BMAL2: variants seen among roughly 807,000 people sequenced by gnomAD.
BMAL2 encodes the protein basic helix-loop-helix ARNT like 2, also known as basic helix-loop-helix ARNT-like protein 2.
At chr12:27,362,124 G>T in the BMAL2 span, among the ~76,000 whole-genome samples, 1 of 152,122 alleles carries the variant, frequency 6.6e-6, no homozygotes, top group Non-Finnish European at 1.5e-5. Flanking sequence ...AATGGTTGAG[G>T]GTCTGGTATT....
the BMAL2 span, among the ~76,000 whole-genome samples, chr12:27,412,631 A>G: frequency 8.4e-4 from 128 of 152,228 alleles, no homozygotes; most frequent in African/African-American, 1.7e-3. Flanking sequence ...AAGAAAACCA[A>G]TGTACACATG....
chr12:27,402,624 A>G, the BMAL2 span: 20 of 1,612,170 alleles, frequency 1.2e-5, no homozygotes, highest in Non-Finnish European at 1.7e-5. Context: ...TCTAGGGGAC[A>G]TAGTGAGCCT....
At chr12:27,373,361 C>T in the BMAL2 span, among the ~76,000 whole-genome samples, 5 of 152,156 alleles carry the variant, frequency 3.3e-5, no homozygotes, top group African/African-American at 1.2e-4. Context: ...CAGTTCTGGA[C>T]ACACTAAGAA....
the BMAL2 span, among the ~76,000 whole-genome samples, chr12:27,393,946 C>T: frequency 6.6e-6 from 1 of 152,152 alleles, no homozygotes; most frequent in Non-Finnish European, 1.5e-5. Flanking sequence ...TTTTTTGGTG[C>T]TATTCACTTT....
At chr12:27,400,868 T>C in the BMAL2 span, 1 of 1,120,360 alleles carries the variant, frequency 8.9e-7, no homozygotes, top group Non-Finnish European at 1.2e-6. Context: ...TTTCTTTTTC[T>C]TTTTTCTGTT....
At chr12:27,360,307 G>C in the BMAL2 span, among the ~76,000 whole-genome samples, 1 of 152,250 alleles carries the variant, frequency 6.6e-6, no homozygotes, top group South Asian at 2.1e-4. Context: ...ACAAAGGACA[G>C]GTGGCAGGTG....
At chr12:27,391,961 C>A in the BMAL2 span, among the ~76,000 whole-genome samples, 1 of 152,156 alleles carries the variant, frequency 6.6e-6, no homozygotes, top group Admixed American at 6.5e-5. Flanking sequence ...GCTGTGGAAT[C>A]CAACCAGTGG....
chr12:27,340,048 G>A, the BMAL2 span, among the ~76,000 whole-genome samples: 1 of 152,092 alleles, frequency 6.6e-6, no homozygotes, highest in African/African-American at 2.4e-5. Context: ...TCTGTTGTAG[G>A]TTGTCTGTTC....
At chr12:27,388,602 C>T in the BMAL2 span, among the ~76,000 whole-genome samples, 1 of 151,794 alleles carries the variant, frequency 6.6e-6, no homozygotes, top group Non-Finnish European at 1.5e-5. Context: ...GAGTCAAAGG[C>T]AATTTGGCTG....
the BMAL2 span, among the ~76,000 whole-genome samples, chr12:27,334,208 TGTG>T: frequency 6.6e-6 from 1 of 152,170 alleles, no homozygotes; most frequent in African/African-American, 2.4e-5. Flanking sequence ...AGATGGCACG[TGTG>T]GTGTTTATAA....
At chr12:27,368,346 G>C in the BMAL2 span, 1 of 1,614,106 alleles carries the variant, frequency 6.2e-7, no homozygotes, top group African/African-American at 1.3e-5. Context: ...ACAGCTATGG[G>C]GTCTTTCAGC....
At chr12:27,394,745 A>T in the BMAL2 span, 1 of 152,168 alleles carries the variant, frequency 6.6e-6, no homozygotes, top group Non-Finnish European at 1.5e-5. Context: ...ACATGATGGT[A>T]TTTGGAGATT....
the BMAL2 span, among the ~76,000 whole-genome samples, chr12:27,396,059 G>C: frequency 3.9e-5 from 6 of 152,198 alleles, no homozygotes; most frequent in East Asian, 1.2e-3. Context: ...TGTATTCGTA[G>C]TTAGAGCCTT....
At chr12:27,354,038 A>G in the BMAL2 span, among the ~76,000 whole-genome samples, 1 of 152,214 alleles carries the variant, frequency 6.6e-6, no homozygotes, top group African/African-American at 2.4e-5. Flanking sequence ...AAACAGAACT[A>G]CCATCTGACC....
the BMAL2 span, chr12:27,385,658 TG>T: frequency 8.2e-6 from 6 of 734,180 alleles, no homozygotes; most frequent in Non-Finnish European, 1.1e-5. Context: ...TCTAAACATA[TG>T]GGACTCCATA....
the BMAL2 span, among the ~76,000 whole-genome samples, chr12:27,373,831 A>G: frequency 6.6e-6 from 1 of 152,202 alleles, no homozygotes; most frequent in Admixed American, 6.5e-5. Flanking sequence ...AAATTCTATT[A>G]CTGTAATGTA....
At chr12:27,344,010 AT>A in the BMAL2 span, among the ~76,000 whole-genome samples, 1 of 152,122 alleles carries the variant, frequency 6.6e-6, no homozygotes, top group Non-Finnish European at 1.5e-5. Context: ...TTTATTGAGT[AT>A]TTACTATGTG....
the BMAL2 span, chr12:27,401,263 A>G: frequency 4.3e-6 from 7 of 1,613,716 alleles, no homozygotes; most frequent in South Asian, 4.4e-5. Context: ...CCAGGGCAAC[A>G]GCGATTTTAG....
At chr12:27,398,614 C>T in the BMAL2 span, among the ~76,000 whole-genome samples, 2 of 151,824 alleles carry the variant, frequency 1.3e-5, no homozygotes, top group African/African-American at 2.4e-5. Flanking sequence ...GATAGAATTA[C>T]ACAATCCCAG....
Sources: allele counts gnomAD v4.1 joint callset (sites outside exome capture counted in the v4.1 genomes callset), GRCh38; gene constraint gnomAD v4.1.1; transcripts MANE v1.5; gene names NCBI Gene and HGNC (gene_info 2026-07-23, HGNC 2026-07-21).